NAALADL2: variants seen among roughly 807,000 people sequenced by gnomAD.
NAALADL2 encodes inactive N-acetylated-alpha-linked acidic dipeptidase-like protein 2.
NAALADL2 carries 76 observed loss-of-function variants against 87.2 expected under a neutral mutation model. That is an observed-to-expected ratio of 0.87 (90% CI 0.72 to 1.05). The LOEUF (loss-of-function observed/expected upper bound fraction) is 1.05. Ranked by LOEUF, NAALADL2 falls within the 50% of genes least tolerant of loss-of-function variation. The pLI, the probability that NAALADL2 is intolerant of heterozygous loss-of-function variation, is 0.00. For synonymous variants in NAALADL2, 354 were observed against 331.0 expected, an observed-to-expected ratio of 1.07 and a Z score of -0.75; for missense variants, 1,089 against 945.8, an observed-to-expected ratio of 1.15 and a Z score of -1.99.
chr3:174,758,372 A>C lies in NAALADL2; in HGVS notation c.-9+20626A>C, dbSNP rs542159561. On this transcript the variant is annotated intron_variant, in intron 3 of 3. Transcript: ENST00000434257. ...CCTTCAGAGTAATTAATGAAATAAC[A>C]TATACAACTAGCATAGAGTCAAATA... Among the ~76,000 whole-genome samples, 3 of 152,356 alleles carry C rather than the reference A, an allele frequency of 2.0e-5. No homozygotes were observed. The East Asian group carries it at 5.8e-4, about 29-fold the overall frequency.
At chr3:174,858,751 A>G (rs1168984400), upstream of NAALADL2, among the ~76,000 whole-genome samples, 3 of 151,968 alleles carry the variant, frequency 2.0e-5, no homozygotes, top group South Asian at 4.1e-4. Context: ...AGTGTTTAGC[A>G]CAGCCATACA....
intron 3 of NAALADL2, among the ~76,000 whole-genome samples, chr3:174,840,149 T>C (rs1426514907): frequency 2.0e-5 from 3 of 151,490 alleles, no homozygotes; most frequent in Non-Finnish European, 4.4e-5. Flanking sequence ...GATATATATA[T>C]ATCTAATATA....
intron 1 of NAALADL2, among the ~76,000 whole-genome samples, chr3:175,033,020 C>A (rs1752974884): frequency 6.6e-6 from 1 of 151,902 alleles, no homozygotes; most frequent in African/African-American, 2.4e-5. Context: ...CTGTGGCCCA[C>A]AGTTTATTTA....
intron 1 of NAALADL2, among the ~76,000 whole-genome samples, chr3:174,974,288 A>G (rs1744075100): frequency 6.6e-6 from 1 of 152,204 alleles, no homozygotes; most frequent in East Asian, 1.9e-4. Context: ...GTGTGCTGTA[A>G]GGAAAACTCT....
chr3:175,061,767 C>A (rs559696493), intron 1 of NAALADL2, among the ~76,000 whole-genome samples: 1 of 142,702 alleles, frequency 7.0e-6, no homozygotes, highest in Admixed American at 7.2e-5. Context: ...TTATACACCA[C>A]AAAATTATAT....
chr3:175,078,831 C>T (rs1350947090), intron 1 of NAALADL2, among the ~76,000 whole-genome samples: 5 of 152,076 alleles, frequency 3.3e-5, no homozygotes, highest in East Asian at 1.9e-4. Context: ...TTTATCCTTC[C>T]GTCAGTCTAT....
intron 10 of NAALADL2, among the ~76,000 whole-genome samples, chr3:175,578,605 G>A (rs1719264586): frequency 6.6e-6 from 1 of 152,102 alleles, no homozygotes; most frequent in South Asian, 2.1e-4. Context: ...AGAATGAAAT[G>A]GAATTTAAAA....
chr3:174,995,861 A>G (rs975832037), intron 1 of NAALADL2, among the ~76,000 whole-genome samples: 2 of 152,048 alleles, frequency 1.3e-5, no homozygotes, highest in Admixed American at 6.6e-5. Context: ...CTCCCTCTGG[A>G]TTGAGTAAGT....
At chr3:175,439,083 T>C (rs1378898836) in intron 5 of NAALADL2, among the ~76,000 whole-genome samples, 1 of 152,146 alleles carries the variant, frequency 6.6e-6, no homozygotes, top group Non-Finnish European at 1.5e-5. Context: ...CTACTACTTA[T>C]GAGTGAGAAC....
chr3:175,691,186 A>G (rs948016913), intron 11 of NAALADL2, among the ~76,000 whole-genome samples: 2 of 151,024 alleles, frequency 1.3e-5, no homozygotes, highest in African/African-American at 2.4e-5. Context: ...AACTTTATAT[A>G]TATGTGTATA....
chr3:175,085,006 G>A (rs923222012), intron 1 of NAALADL2, among the ~76,000 whole-genome samples: 2 of 152,122 alleles, frequency 1.3e-5, no homozygotes, highest in South Asian at 2.1e-4. Context: ...TACACTGATG[G>A]AGCCTATGGG....
At chr3:175,174,372 T>A (rs1454786257) in intron 2 of NAALADL2, among the ~76,000 whole-genome samples, 1 of 152,180 alleles carries the variant, frequency 6.6e-6, no homozygotes, top group Non-Finnish European at 1.5e-5. Context: ...TAGCACATCT[T>A]GATAGACTAC....
intron 2 of NAALADL2, among the ~76,000 whole-genome samples, chr3:175,207,976 G>A (rs1010884048): frequency 6.6e-6 from 1 of 152,026 alleles, no homozygotes; most frequent in East Asian, 1.9e-4. Flanking sequence ...CTGAACGAGG[G>A]CATAAAAGCT....
At chr3:175,344,357 G>A (rs1232724885) in intron 5 of NAALADL2, among the ~76,000 whole-genome samples, 1 of 151,604 alleles carries the variant, frequency 6.6e-6, no homozygotes, top group Admixed American at 6.6e-5. Flanking sequence ...ACACAATATG[G>A]TAGAAGTAGA....
chr3:175,465,866 C>A (rs1295598750), intron 7 of NAALADL2, among the ~76,000 whole-genome samples: 2 of 152,230 alleles, frequency 1.3e-5, no homozygotes, highest in Non-Finnish European at 2.9e-5. Context: ...TGTAAGGTAG[C>A]TTTCTGGTGT....
At chr3:175,466,751 T>C (rs1183221153) in intron 7 of NAALADL2, among the ~76,000 whole-genome samples, 1 of 152,200 alleles carries the variant, frequency 6.6e-6, no homozygotes, top group Non-Finnish European at 1.5e-5. Flanking sequence ...AGGAGAGTAA[T>C]ATGGATCTAA....
At chr3:175,138,557 A>G (rs1012531640) in intron 2 of NAALADL2, among the ~76,000 whole-genome samples, 1 of 151,742 alleles carries the variant, frequency 6.6e-6, no homozygotes, top group Non-Finnish European at 1.5e-5. Context: ...TTGCCACCAA[A>G]TGAGTTTACT....
intron 11 of NAALADL2, among the ~76,000 whole-genome samples, chr3:175,688,487 A>G (rs1736614652): frequency 6.6e-6 from 1 of 152,164 alleles, no homozygotes; most frequent in East Asian, 1.9e-4. Context: ...TTAGCCTGTA[A>G]TCATTTACTT....
intron 9 of NAALADL2, among the ~76,000 whole-genome samples, chr3:175,522,750 G>C (rs764342932): frequency 1.1e-4 from 17 of 152,092 alleles, no homozygotes; most frequent in Non-Finnish European, 2.1e-4. Flanking sequence ...AAACTTGCCT[G>C]CTTTCTCCAC....
Sources: gnomAD v4.1 joint callset for allele counts (sites outside exome capture counted in the v4.1 genomes callset) on GRCh38, gnomAD v4.1.1 for gene constraint, MANE v1.5 for transcripts, NCBI Gene and HGNC (gene_info 2026-07-23, HGNC 2026-07-21) for gene names.